FGF13: variants seen among roughly 807,000 people sequenced by gnomAD.
The protein encoded by FGF13 is fibroblast growth factor 13, also known as fibroblast growth factor homologous factor 2.
FGF13 carries 2 observed loss-of-function variants against 19.5 expected under a neutral mutation model. That is an observed-to-expected ratio of 0.10 (90% CI 0.04 to 0.32). The LOEUF (loss-of-function observed/expected upper bound fraction) is 0.32, where lower values mean the gene tolerates loss of function less well. Among genes scored for constraint, FGF13 ranks in the 10% least tolerant of loss-of-function variants. The pLI, the probability that FGF13 is intolerant of heterozygous loss-of-function variation, is 1.00. For missense variants in FGF13, 113 were observed against 192.7 expected, an observed-to-expected ratio of 0.59 and a Z score of 2.45; for synonymous variants, 72 against 76.9, an observed-to-expected ratio of 0.94 and a Z score of 0.33.
intron 1 of FGF13, among the ~76,000 whole-genome samples, chrX:138,982,776 A>G (rs753905769): frequency 4.5e-5 from 5 of 112,087 alleles, no homozygotes; most frequent in Non-Finnish European, 9.4e-5. Flanking sequence ...CAGATAGTTT[A>G]GAGTCTTTGG....
chrX:139,112,659 G>A (rs1018064844), intron 1 of FGF13, among the ~76,000 whole-genome samples: 8 of 111,641 alleles, frequency 7.2e-5, no homozygotes, highest in East Asian at 5.7e-4. Flanking sequence ...AAGCTGCTTC[G>A]CTTTACCAGC....
At chrX:138,786,801 G>A (rs770604528) in intron 3 of FGF13, among the ~76,000 whole-genome samples, 1 of 112,215 alleles carries the variant, frequency 8.9e-6, no homozygotes, top group East Asian at 2.8e-4. Flanking sequence ...TGCCTTCATA[G>A]TGTTAAAGTG....
At chrX:138,890,945 G>T (rs1361496188) in intron 1 of FGF13, among the ~76,000 whole-genome samples, 1 of 112,059 alleles carries the variant, frequency 8.9e-6, no homozygotes, top group Non-Finnish European at 1.9e-5. Flanking sequence ...AAATGGAGAG[G>T]CATGTCTTAG....
intron 1 of FGF13, among the ~76,000 whole-genome samples, chrX:138,940,321 T>G (rs1024495420): frequency 3.4e-4 from 38 of 112,306 alleles, no homozygotes; most frequent in African/African-American, 1.2e-3. Flanking sequence ...TTATAGATTC[T>G]GGATATTAAA....
intron 1 of FGF13, among the ~76,000 whole-genome samples, chrX:139,121,046 T>C (rs1012044582): frequency 6.2e-5 from 7 of 112,374 alleles, no homozygotes; most frequent in African/African-American, 1.6e-4. Context: ...CTTAATATAG[T>C]AGAAAGTGGT....
intron 3 of FGF13, among the ~76,000 whole-genome samples, chrX:138,792,735 G>A (rs1324444817): frequency 9.0e-6 from 1 of 111,057 alleles, no homozygotes; most frequent in Non-Finnish European, 1.9e-5. Context: ...GGAATGGAAG[G>A]CAGCCATAAT....
At chrX:138,778,629 C>T (rs985532302) in intron 3 of FGF13, among the ~76,000 whole-genome samples, 1 of 112,261 alleles carries the variant, frequency 8.9e-6, no homozygotes, top group Non-Finnish European at 1.9e-5. Flanking sequence ...AACGGCACAC[C>T]GGGAGAATAT....
intron 1 of FGF13, among the ~76,000 whole-genome samples, chrX:138,709,463 A>G (rs1026102324): frequency 1.3e-4 from 15 of 111,985 alleles, no homozygotes; most frequent in African/African-American, 4.2e-4. Context: ...TGGAAAATTG[A>G]GCCTTTTATA....
At chrX:138,786,060 A>G (rs2090689594) in intron 3 of FGF13, among the ~76,000 whole-genome samples, 1 of 112,035 alleles carries the variant, frequency 8.9e-6, no homozygotes, top group South Asian at 3.7e-4. Context: ...TCTTAATCTG[A>G]TCCACTATAC....
rs377559724 is a variant in FGF13, at chrX:138,627,559, T to G, written c.*5291A>C. 2.8e-5 allele frequency: 3 copies of G among 105,984 alleles called. No homozygotes were observed. In the East Asian group the frequency reaches 8.9e-4, roughly 32 times the overall value. The allele number at this position is 105,984 out of a possible 1,213,427, so 8.7% of individuals were successfully genotyped here. ...CAACCTCCCAGAGGAAGACAGCAGC[T>G]CTGAGTTCTTTTGGAGGCCCATCTA... On this transcript the variant is annotated 3_prime_UTR_variant, in exon 5 of 5. Coordinates refer to ENST00000315930, the MANE Select transcript of FGF13 (RefSeq NM_004114.5).
chrX:138,995,968 G>C (rs1417231069), intron 1 of FGF13, among the ~76,000 whole-genome samples: 1 of 111,760 alleles, frequency 8.9e-6, no homozygotes, highest in Non-Finnish European at 1.9e-5. Flanking sequence ...GCCCATCCCA[G>C]CAGTTGGAAC....
intron 1 of FGF13, among the ~76,000 whole-genome samples, chrX:139,066,338 G>A (rs2092356408): frequency 9.0e-6 from 1 of 111,096 alleles, no homozygotes. Context: ...AGAACTGAAG[G>A]CGATAGAGAC....
chrX:138,733,538 T>C (rs1038589342), intron 1 of FGF13, among the ~76,000 whole-genome samples: 1 of 111,404 alleles, frequency 9.0e-6, no homozygotes, highest in Non-Finnish European at 1.9e-5. Context: ...TGGGATAGGA[T>C]GGCATTACAT....
rs1825463003 is a variant in FGF13 at position 138,615,372 on chromosome X, A to C, written c.*17478T>G. On this transcript the variant is annotated 3_prime_UTR_variant, in exon 5 of 5. Coordinates refer to ENST00000315930, the MANE Select transcript of FGF13 (RefSeq NM_004114.5). ...CTTTGCATCTTCCTTTGAATCTATA[A>C]ATATTTCAAAATAAAAGTTTTAAAA... 8.9e-6 allele frequency: 1 copy of C among 112,169 alleles called. No individual in the cohort carries two copies. Among genetic ancestry groups the C allele is most frequent in the African/African-American group, 3.2e-5 (1 of 30,883 alleles). 9.2% of individuals were successfully genotyped at this position (112,169 alleles called of 1,213,427 possible). A position where few individuals can be genotyped will look rare whatever the true frequency, so the allele number is the denominator to read the frequency against.
chrX:139,124,466 C>T (rs1450349521), intron 1 of FGF13, among the ~76,000 whole-genome samples: 1 of 111,971 alleles, frequency 8.9e-6, no homozygotes, highest in African/African-American at 3.3e-5. Context: ...CCCAGACCCT[C>T]TCCATCCTCA....
chrX:138,691,063 G>A (rs2089834188), intron 3 of FGF13, among the ~76,000 whole-genome samples: 1 of 111,225 alleles, frequency 9.0e-6, no homozygotes, highest in Admixed American at 9.6e-5. Flanking sequence ...CGACTTCCCT[G>A]GGAGATTAGA....
intron 1 of FGF13, among the ~76,000 whole-genome samples, chrX:138,875,029 C>G (rs2091379896): frequency 9.1e-6 from 1 of 110,032 alleles, no homozygotes. Flanking sequence ...ATCATGAGGT[C>G]AGGAGTTTGA....
chrX:138,844,882 T>A (rs1220909065), intron 3 of FGF13, among the ~76,000 whole-genome samples: 1 of 111,456 alleles, frequency 9.0e-6, no homozygotes. Context: ...CAAGGCCATA[T>A]AGTGCCTGAC....
At chrX:139,027,698 G>C (rs1231472244) in intron 1 of FGF13, among the ~76,000 whole-genome samples, 1 of 111,402 alleles carries the variant, frequency 9.0e-6, no homozygotes, top group Non-Finnish European at 1.9e-5. Context: ...TGTAAGTAGA[G>C]ATACATCTGT....
Sources: gnomAD v4.1 joint callset for allele counts (sites outside exome capture counted in the v4.1 genomes callset) on GRCh38, gnomAD v4.1.1 for gene constraint, MANE v1.5 for transcripts, NCBI Gene and HGNC (gene_info 2026-07-23, HGNC 2026-07-21) for gene names.